ZC2HC1B: variants seen among roughly 807,000 people sequenced by gnomAD.
The protein encoded by ZC2HC1B is zinc finger C2HC-type containing 1B.
In ZC2HC1B, 36 loss-of-function variants were observed where a neutral mutation model predicts 31.0. The observed-to-expected ratio is 1.16, with a 90% CI of 0.89 to 1.54. The LOEUF (loss-of-function observed/expected upper bound fraction) is 1.54. Ranked by LOEUF, ZC2HC1B falls within the 40% of genes most tolerant of loss-of-function variation. ZC2HC1B has a pLI of 0.00. For missense variants in ZC2HC1B, 260 were observed against 268.6 expected, an observed-to-expected ratio of 0.97 and a Z score of 0.22; for synonymous variants, 73 against 88.0, an observed-to-expected ratio of 0.83 and a Z score of 0.95.
intron 1 of ZC2HC1B, among the ~76,000 whole-genome samples, chr6:143,867,321 C>T (rs1375141094): frequency 6.6e-6 from 1 of 152,174 alleles, no homozygotes; most frequent in Non-Finnish European, 1.5e-5. Context: ...ACAAACTTAG[C>T]TTTTTGAGGT....
chr6:143,904,744 C>T lies in ZC2HC1B; in HGVS notation c.598+1592C>T, dbSNP rs539415459. ...AAGCTAAGGCTAGCTTTAGATCTTA[C>T]GTTTTAGTTCTTTGATCCATTTTGA... is the stretch of plus-strand genomic sequence containing the variant. On this transcript the variant is annotated intron_variant, in intron 6 of 7. Transcript: ENST00000237275. 7.4e-4 allele frequency among the ~76,000 whole-genome samples: 112 copies of T among 152,162 alleles called. 1 individual carries two copies. The highest frequency in any genetic ancestry group is 2.5e-3 in the African/African-American group (104 of 41,528).
Position 143,934,607 on chromosome 6 carries a change from CT to C in ZC2HC1B, c.599-3040del, listed in dbSNP as rs1778156007. ...TTTGAATTGGCCTTCATAGGAAAGA[CT>C]TCTTCCTACATATGTATCTATAGTG... On this transcript the variant is annotated intron_variant, in intron 6 of 7. Transcript: ENST00000237275. The surrounding 1 kb of genome is among the most constrained non-coding windows in gnomAD (Gnocchi z 4.6). Among the ~76,000 whole-genome samples the C allele has an allele frequency of 6.6e-6, 1 of 152,200 alleles. No individual in the cohort carries two copies. Among genetic ancestry groups the C allele is most frequent in the African/African-American group, 2.4e-5 (1 of 41,448 alleles).
rs1777539519 is a variant in ZC2HC1B, at chr6:143,887,074, T to C, written c.349+253T>C. 6.6e-6 allele frequency among the ~76,000 whole-genome samples: 1 copy of C among 152,308 alleles called. No individual in the cohort carries two copies. The highest frequency in any genetic ancestry group is 2.4e-5 in the African/African-American group (1 of 41,552). ...GACTCCAAGAAACACCAGACACCTC[T>C]TAGCCGATAGGTATGGAGCTATGCA... On this transcript the variant is annotated intron_variant, in intron 4 of 7. Transcript: ENST00000237275. The surrounding 1 kb of genome is among the most constrained non-coding windows in gnomAD (Gnocchi z 5.1).
chr6:143,866,498 GA>G (rs760914963), intron 1 of ZC2HC1B, among the ~76,000 whole-genome samples: 4 of 152,204 alleles, frequency 2.6e-5, no homozygotes, highest in Non-Finnish European at 5.9e-5. Flanking sequence ...CACCATCATG[GA>G]AAAATTGTTA....
intron 6 of ZC2HC1B, among the ~76,000 whole-genome samples, chr6:143,936,413 A>G (rs2128498237): frequency 6.6e-6 from 1 of 152,354 alleles, no homozygotes; most frequent in South Asian, 2.1e-4. Flanking sequence ...ACGTTTTGGG[A>G]AAAATGGGTC....
At chr6:143,864,655 G>T in intron 1 of ZC2HC1B, 88 bp downstream of exon 1, 5 of 1,383,748 alleles carry the variant, frequency 3.6e-6, no homozygotes, top group South Asian at 2.5e-5. Flanking sequence ...GTAGGTATTA[G>T]CTTGTTCTAC....
At chr6:143,890,387 AC>A (rs1777585490) in intron 4 of ZC2HC1B, among the ~76,000 whole-genome samples, 1 of 150,474 alleles carries the variant, frequency 6.6e-6, no homozygotes, top group Non-Finnish European at 1.5e-5. Context: ...CATGTTAAAA[AC>A]AATACAATAC....
chr6:143,897,546 G>A (rs1156879815), intron 4 of ZC2HC1B, among the ~76,000 whole-genome samples: 3 of 151,420 alleles, frequency 2.0e-5, no homozygotes, highest in Non-Finnish European at 2.9e-5. Context: ...GACAGGAGCT[G>A]CCTGGGCCAT....
Position 143,938,340 on chromosome 6 carries a change from T to A in ZC2HC1B, c.*213T>A, listed in dbSNP as rs1778202615. 1 of 152,266 alleles carries A rather than the reference T, an allele frequency of 6.6e-6. No individual in the cohort carries two copies. Among genetic ancestry groups the A allele is most frequent in the Non-Finnish European group, 1.5e-5 (1 of 68,038 alleles). The allele number at this position is 152,266 out of a possible 1,614,324, so 9.4% of individuals were successfully genotyped here. On this transcript the variant is annotated 3_prime_UTR_variant, in exon 8 of 8. Transcript: ENST00000237275. The surrounding 1 kb of genome is among the most constrained non-coding windows in gnomAD (Gnocchi z 4.2). The stretch of plus-strand genomic sequence containing the variant: ...AACAAAAGCATTAAACACATCAACC[T>A]GTATAATGCATGATTCAAATTCACT...
chr6:143,916,646 A>G (rs539796047), intron 6 of ZC2HC1B, among the ~76,000 whole-genome samples: 110 of 152,220 alleles, frequency 7.2e-4, no homozygotes, highest in Middle Eastern at 3.2e-3. Context: ...CTTGCATCAG[A>G]GTGACCTGGA....
In ZC2HC1B at chr6:143,906,690, C is replaced by T. The variant is rs1468637285; in HGVS notation, c.598+3538C>T. The stretch of plus-strand genomic sequence containing the variant: ...AAATTATGGCCTCAAGTGATCTTCC[C>T]GCCTTGGCCTTGCAAAGTGCTGGGA... On this transcript the variant is annotated intron_variant, in intron 6 of 7. Coordinates refer to ENST00000237275, the MANE Select transcript of ZC2HC1B (RefSeq NM_001013623.3). Among the ~76,000 whole-genome samples the T allele has an allele frequency of 5.3e-5, 8 of 151,674 alleles. 1 individual carries two copies. Among genetic ancestry groups the T allele is most frequent in the Admixed American group, 2.6e-4 (4 of 15,242 alleles).
At chr6:143,877,845 G>C (rs1777425903) in intron 1 of ZC2HC1B, among the ~76,000 whole-genome samples, 4 of 150,418 alleles carry the variant, frequency 2.7e-5, no homozygotes, top group Admixed American at 2.6e-4. Flanking sequence ...GGAATAATTT[G>C]ATTCCCAGAG....
At chr6:143,879,422 G>A (rs2128493616) in intron 1 of ZC2HC1B, among the ~76,000 whole-genome samples, 1 of 152,258 alleles carries the variant, frequency 6.6e-6, no homozygotes, top group South Asian at 2.1e-4. Flanking sequence ...GCTATCCTGA[G>A]TCTTAATTCT....
chr6:143,882,459 C>T (rs573850386), intron 1 of ZC2HC1B, among the ~76,000 whole-genome samples: 114 of 149,260 alleles, frequency 7.6e-4, no homozygotes, highest in Middle Eastern at 3.6e-3. Flanking sequence ...GTTGAAAATA[C>T]AATACCAATT....
At chr6:143,878,459 C>G (rs561364252) in intron 1 of ZC2HC1B, among the ~76,000 whole-genome samples, 1 of 150,592 alleles carries the variant, frequency 6.6e-6, no homozygotes, top group South Asian at 2.1e-4. Context: ...GCCTGGGTGA[C>G]AGAGCAAGAC....
intron 1 of ZC2HC1B, among the ~76,000 whole-genome samples, chr6:143,876,819 C>A (rs1402926067): frequency 6.7e-6 from 1 of 149,962 alleles, no homozygotes; most frequent in African/African-American, 2.5e-5. Flanking sequence ...GAGGTTAGGC[C>A]AGTCTAGTTT....
intron 6 of ZC2HC1B, among the ~76,000 whole-genome samples, chr6:143,920,513 G>A (rs1777974546): frequency 6.6e-6 from 1 of 152,194 alleles, no homozygotes; most frequent in African/African-American, 2.4e-5. Context: ...AAATAGACTA[G>A]TAGATCAGTA....
At chr6:143,890,894 C>T (rs949262945) in intron 4 of ZC2HC1B, among the ~76,000 whole-genome samples, 2 of 151,882 alleles carry the variant, frequency 1.3e-5, no homozygotes, top group African/African-American at 4.8e-5. Flanking sequence ...CTTTGGGAGG[C>T]CGAGGCAGGT....
chr6:143,930,625 C>T (rs576988450), intron 6 of ZC2HC1B, among the ~76,000 whole-genome samples: 1 of 152,080 alleles, frequency 6.6e-6, no homozygotes, highest in Non-Finnish European at 1.5e-5. Context: ...GATCTGCCTG[C>T]CTCGGCCTCC....
Sources: allele counts gnomAD v4.1 joint callset (sites outside exome capture counted in the v4.1 genomes callset), GRCh38; gene constraint gnomAD v4.1.1; non-coding constraint Gnocchi (gnomAD v3.1); transcripts MANE v1.5; gene names NCBI Gene and HGNC (gene_info 2026-07-23, HGNC 2026-07-21).